Variants in FBXL17 observed in about 807,000 individuals in gnomAD.
The protein encoded by FBXL17 is F-box and leucine rich repeat protein 17, also known as F-box/LRR-repeat protein 17.
Under a neutral mutation model 66.2 loss-of-function variants are expected in FBXL17, and 22 were observed. That is an observed-to-expected ratio of 0.33 (90% confidence interval 0.24 to 0.47). The LOEUF (loss-of-function observed/expected upper bound fraction) is 0.47, where lower values mean the gene tolerates loss of function less well. FBXL17 is among the 20% of genes least tolerant of loss of function. FBXL17 has a pLI of 1.00. For missense variants in FBXL17, 878 were observed against 948.2 expected (o/e 0.93, Z 0.97); for synonymous variants, 474 against 400.5 (o/e 1.18, Z -2.19).
intron 4 of FBXL17, among the ~76,000 whole-genome samples, chr5:108,285,834 A>T (rs980179641): frequency 6.8e-6 from 1 of 148,148 alleles, no homozygotes; most frequent in Non-Finnish European, 1.5e-5. Flanking sequence ...TCAACAAAAT[A>T]AAAAAAAAAC....
chr5:107,931,226 A>G (rs987729440), intron 7 of FBXL17, among the ~76,000 whole-genome samples: 2 of 151,628 alleles, frequency 1.3e-5, no homozygotes, highest in African/African-American at 4.8e-5. Flanking sequence ...AAACCTCTTC[A>G]GCATTTTTAT....
intron 4 of FBXL17, among the ~76,000 whole-genome samples, chr5:108,290,381 T>C (rs1401493221): frequency 2.0e-5 from 3 of 152,186 alleles, no homozygotes; most frequent in African/African-American, 7.2e-5. Flanking sequence ...GTTGTTTTTT[T>C]ACCCCATGTC....
intron 7 of FBXL17, among the ~76,000 whole-genome samples, chr5:107,974,022 T>A (rs531163365): frequency 1.6e-4 from 24 of 152,218 alleles, no homozygotes; most frequent in Middle Eastern, 3.4e-3. Flanking sequence ...CAGAAAAAAA[T>A]TATACCATTT....
At chr5:107,911,143 C>T (rs1749937052) in intron 7 of FBXL17, among the ~76,000 whole-genome samples, 1 of 152,058 alleles carries the variant, frequency 6.6e-6, no homozygotes, top group Non-Finnish European at 1.5e-5. Context: ...GCTAGATACA[C>T]AGTCATTATG....
At chr5:108,003,609 T>C (rs1278880406) in intron 7 of FBXL17, among the ~76,000 whole-genome samples, 3 of 152,030 alleles carry the variant, frequency 2.0e-5, no homozygotes, top group African/African-American at 7.3e-5. Context: ...ACTGAAAACA[T>C]GAGCAAGTAA....
chr5:108,121,946 C>T (rs1395526665), intron 6 of FBXL17, among the ~76,000 whole-genome samples: 2 of 152,138 alleles, frequency 1.3e-5, no homozygotes, highest in African/African-American at 4.8e-5. Flanking sequence ...TTTTTAACAT[C>T]TACTCCAACC....
chr5:107,920,016 C>G (rs1012947282), intron 7 of FBXL17, among the ~76,000 whole-genome samples: 3 of 152,264 alleles, frequency 2.0e-5, no homozygotes, highest in South Asian at 4.1e-4. Flanking sequence ...CTTCTAAGAT[C>G]TAGTTTTATG....
intron 6 of FBXL17, among the ~76,000 whole-genome samples, chr5:108,088,459 T>A (rs1749052151): frequency 6.6e-6 from 1 of 152,014 alleles, no homozygotes; most frequent in African/African-American, 2.4e-5. Context: ...TCCAGCACTC[T>A]GGGAGGCCAA....
intron 8 of FBXL17, among the ~76,000 whole-genome samples, chr5:107,874,871 A>G (rs564226033): frequency 6.6e-6 from 1 of 152,330 alleles, no homozygotes; most frequent in East Asian, 1.9e-4. Flanking sequence ...CACCTGGAGA[A>G]ACTGTTTCAT....
chr5:107,998,243 C>G (rs1753560439), intron 7 of FBXL17, among the ~76,000 whole-genome samples: 1 of 152,094 alleles, frequency 6.6e-6, no homozygotes, highest in South Asian at 2.1e-4. Flanking sequence ...GCTACTAGAA[C>G]ATTTTAAATT....
intron 6 of FBXL17, among the ~76,000 whole-genome samples, chr5:108,035,364 T>C (rs571690796): frequency 1.3e-5 from 2 of 151,800 alleles, no homozygotes; most frequent in Non-Finnish European, 2.9e-5. Context: ...TTTGTTCGTT[T>C]GTTTGTTTTT....
intron 1 of FBXL17, among the ~76,000 whole-genome samples, chr5:108,373,164 A>T (rs1749153410): frequency 1.4e-5 from 2 of 147,420 alleles, no homozygotes; most frequent in South Asian, 4.2e-4. Flanking sequence ...TATATATATA[A>T]TTCTCATATA....
rs76995674 is a variant in FBXL17 at position 108,200,775 on chromosome 5, T to C, written c.1615-14528A>G. On this transcript the variant is annotated intron_variant, in intron 5 of 8. Coordinates refer to ENST00000542267, the MANE Select transcript of FBXL17 (RefSeq NM_001163315.3). ...AAGTCTACAGTGGGGGAAGCAGCTA[T>C]GCTCCTGAAGGTTTTGTAAATACAC... is the stretch of plus-strand genomic sequence containing the variant. Among the ~76,000 whole-genome samples, 802 of 152,182 alleles carry C rather than the reference T, an allele frequency of 5.3e-3. 7 individuals carry two copies. The highest frequency in any genetic ancestry group is 0.014 in the African/African-American group (586 of 41,532).
chr5:108,282,743 C>T lies in FBXL17; in HGVS notation c.1507-58515G>A, dbSNP rs139388868. Among the ~76,000 whole-genome samples, 540 of 151,084 alleles carry T rather than the reference C, an allele frequency of 3.6e-3. 4 individuals carry two copies. The highest frequency in any genetic ancestry group is 0.013 in the African/African-American group (518 of 41,096). Reference sequence around the variant, plus strand: ...TTATCCCTGTTTGCTAAGATATAATCTTATATCTAAAAAAATTTAAAGACT... The same window carrying T: ...TTATCCCTGTTTGCTAAGATATAATTTTATATCTAAAAAAATTTAAAGACT... On this transcript the variant is annotated intron_variant, in intron 4 of 8. Coordinates refer to ENST00000542267, the MANE Select transcript of FBXL17 (RefSeq NM_001163315.3).
intron 5 of FBXL17, 148 bp downstream of exon 5, chr5:108,223,973 C>G (rs1318893483): frequency 2.8e-6 from 1 of 359,894 alleles, no homozygotes; most frequent in African/African-American, 2.1e-5. Context: ...TTTGGTATTG[C>G]TTTCTTCAAC....
At chr5:108,185,244 C>A (rs1753179613) in intron 6 of FBXL17, among the ~76,000 whole-genome samples, 1 of 152,082 alleles carries the variant, frequency 6.6e-6, no homozygotes, top group African/African-American at 2.4e-5. Flanking sequence ...GTGTTCCCAG[C>A]CAAATCTCAT....
At position 108,381,503 on chromosome 5, in the gene FBXL17, G is replaced by A; in HGVS notation, c.189C>T (p.Phe63=). The part of the protein sequence containing the change: ...CFFRGPCMLC[F]IVHSPGAPAP... ...CGGGCGCGCCGGGACTGTGCACGAT[G>A]AAGCAGAGCATGCAGGGCCCGCGGA... The change falls in exon 1 of 9, where the codon TTC becomes TTT. Residue 63 remains phenylalanine, a synonymous_variant. Transcript: ENST00000542267. The A allele has an allele frequency of 7.2e-7, 1 of 1,397,096 alleles. No homozygotes were observed. 86.5% of individuals were successfully genotyped at this position (1,397,096 alleles called of 1,614,324 possible). A position where few individuals can be genotyped will look rare whatever the true frequency, so the allele number is the denominator to read the frequency against.
intron 7 of FBXL17, among the ~76,000 whole-genome samples, chr5:107,924,756 A>G (rs1429209565): frequency 1.3e-5 from 2 of 152,186 alleles, no homozygotes; most frequent in Non-Finnish European, 2.9e-5. Flanking sequence ...TCACCAGATG[A>G]TCTGTTTTAA....
At chr5:107,999,324 T>C (rs559885569) in intron 7 of FBXL17, among the ~76,000 whole-genome samples, 3 of 152,102 alleles carry the variant, frequency 2.0e-5, no homozygotes, top group Non-Finnish European at 4.4e-5. Flanking sequence ...ACCCTCCATA[T>C]CTTAGGCACT....
Sources: gnomAD v4.1 joint callset for allele counts (sites outside exome capture counted in the v4.1 genomes callset) on GRCh38, gnomAD v4.1.1 for gene constraint, MANE v1.5 for transcripts, NCBI Gene and HGNC (gene_info 2026-07-23, HGNC 2026-07-21) for gene names.